HELQ: variants seen among roughly 807,000 people sequenced by gnomAD.
HELQ encodes helicase, POLQ like.
HELQ carries 77 observed loss-of-function variants against 111.6 expected under a neutral mutation model. That is an observed-to-expected ratio of 0.69 (90% confidence interval 0.57 to 0.83). The LOEUF is 0.83. Among genes scored for constraint, HELQ ranks in the 40% least tolerant of loss-of-function variants. The probability of loss-of-function intolerance (pLI) is 0.00; values close to 1 mark genes in which losing one functional copy is unlikely to be tolerated. For missense variants in HELQ, 1,200 were observed against 1,288.5 expected, an observed-to-expected ratio of 0.93 and a Z score of 1.05; for synonymous variants, 438 against 454.7, an observed-to-expected ratio of 0.96 and a Z score of 0.47.
intron 14 of HELQ, among the ~76,000 whole-genome samples, chr4:83,425,512 A>G (rs1476449210): frequency 6.6e-6 from 1 of 152,218 alleles, no homozygotes; most frequent in African/African-American, 2.4e-5. Context: ...ATTTTAAAAC[A>G]CCAAAATATA....
Position 83,439,877 on chromosome 4 carries a change from G to T in HELQ, c.1794C>A (p.Cys598Ter), listed in dbSNP as rs755848703. ...TATTAACATACTTGCTTAAAAATTTGCATATCATTTCTGCTACATTTTCAC... is the reference window on the plus strand; with the variant it reads ...TATTAACATACTTGCTTAAAAATTTTCATATCATTTCTGCTACATTTTCAC... ...KNCENVAEMICKFLSKEYLKH... is the reference protein window; with the variant it reads ...KNCENVAEMI Residue 598 changes from cysteine (C) to a stop codon, truncating the protein, a stop_gained, in exon 8 of 18, where the codon TGC becomes TGA. Coordinates refer to ENST00000295488, the MANE Select transcript of HELQ (RefSeq NM_133636.5). LOFTEE classifies it high-confidence loss of function. The T allele has an allele frequency of 1.3e-6, 2 of 1,580,952 alleles. No individual in the cohort carries two copies. The highest frequency in any genetic ancestry group is 8.7e-7 in the Non-Finnish European group (1 of 1,155,244).
chr4:83,425,707 G>A (rs756159067), intron 14 of HELQ, among the ~76,000 whole-genome samples: 2 of 152,028 alleles, frequency 1.3e-5, no homozygotes, highest in African/African-American at 2.4e-5. Context: ...GTATTTCCTC[G>A]TTTGAATTGA....
intron 16 of HELQ, among the ~76,000 whole-genome samples, chr4:83,417,147 C>T (rs532803431): frequency 6.6e-6 from 1 of 152,062 alleles, no homozygotes; most frequent in Admixed American, 6.6e-5. Flanking sequence ...CATCTCATAT[C>T]CTCAAGTAAA....
intron 17 of HELQ, among the ~76,000 whole-genome samples, chr4:83,410,917 A>G (rs1310900676): frequency 6.6e-6 from 1 of 151,752 alleles, no homozygotes; most frequent in Admixed American, 6.6e-5. Context: ...TTGGGAGGCC[A>G]AGGTGGGCAG....
intron 12 of HELQ, among the ~76,000 whole-genome samples, chr4:83,428,150 T>G (rs1022653745): frequency 9.2e-5 from 14 of 152,302 alleles, no homozygotes; most frequent in South Asian, 8.3e-4. Context: ...TGATATCTTA[T>G]GAGAAATGTA....
intron 9 of HELQ, among the ~76,000 whole-genome samples, chr4:83,436,584 A>T (rs909860525): frequency 1.3e-5 from 2 of 152,250 alleles, no homozygotes; most frequent in African/African-American, 4.8e-5. Context: ...CTACAAAACC[A>T]GATTAATAGA....
At chr4:83,415,300 T>C (rs959934740) in intron 17 of HELQ, among the ~76,000 whole-genome samples, 1 of 152,096 alleles carries the variant, frequency 6.6e-6, no homozygotes, top group Non-Finnish European at 1.5e-5. Context: ...AGAGAAACCC[T>C]TGGGGGCAAT....
intron 14 of HELQ, 46 bp downstream of exon 14, chr4:83,425,919 TTGTTGAGTGAACTTAGTGAGTGAACTAAG>T (rs1382903510): frequency 2.7e-6 from 2 of 746,462 alleles, no homozygotes. Flanking sequence ...GGTACTAATT[TTGTTGAGTGAACTTAGTGAGTGAACTAAG>T]TGTTGAGTGA....
chr4:83,437,110 T>C lies in HELQ; in HGVS notation c.1809-13A>G. On this transcript the variant is annotated splice_polypyrimidine_tract_variant and intron_variant, in intron 8 of 17. Transcript: ENST00000295488. ...TTTCAGATATTCCCTATGAAAAAGA[T>C]CTGTTAGAAATATGAGCCCTTGATC... The C allele has an allele frequency of 6.2e-7, 1 of 1,611,384 alleles. No individual in the cohort carries two copies. Among genetic ancestry groups the C allele is most frequent in the Non-Finnish European group, 8.5e-7 (1 of 1,178,666 alleles).
intron 1 of HELQ, among the ~76,000 whole-genome samples, chr4:83,454,992 G>A (rs1010046426): frequency 1.3e-5 from 2 of 152,200 alleles, no homozygotes; most frequent in African/African-American, 4.8e-5. Flanking sequence ...CAGCAATATA[G>A]TAAAGTGATT....
At chr4:83,448,686 A>T in intron 3 of HELQ, 97 bp downstream of exon 3, 109 of 864,108 alleles carry the variant, frequency 1.3e-4, no homozygotes, top group Non-Finnish European at 1.7e-4. Context: ...AAAAAAAAAG[A>T]GGTACTTCTC....
At chr4:83,407,824 T>C (rs1206829235) in intron 17 of HELQ, among the ~76,000 whole-genome samples, 4 of 152,224 alleles carry the variant, frequency 2.6e-5, no homozygotes, top group Non-Finnish European at 5.9e-5. Context: ...AGATTTGTTT[T>C]ATTGAAGACT....
intron 11 of HELQ, 134 bp from the exon 12 acceptor site, chr4:83,429,880 T>C (rs940224353): frequency 9.2e-6 from 5 of 544,290 alleles, no homozygotes; most frequent in Admixed American, 7.2e-5. Flanking sequence ...ATCTACACAG[T>C]TGCATATATA....
intron 17 of HELQ, among the ~76,000 whole-genome samples, chr4:83,408,479 T>C (rs1056976015): frequency 6.6e-6 from 1 of 151,936 alleles, no homozygotes; most frequent in African/African-American, 2.4e-5. Context: ...TCTCCACTGC[T>C]TGACCTCATC....
rs987714418 is a variant in HELQ, at chr4:83,452,076, T to C, written c.1012+1155A>G. 4.0e-4 allele frequency among the ~76,000 whole-genome samples: 61 copies of C among 152,198 alleles called. 1 individual carries two copies. Among genetic ancestry groups the C allele is most frequent in the African/African-American group, 1.4e-3 (56 of 41,446 alleles). On this transcript the variant is annotated intron_variant, in intron 2 of 17. Coordinates refer to ENST00000295488, the MANE Select transcript of HELQ (RefSeq NM_133636.5). The stretch of plus-strand genomic sequence containing the variant: ...TCTAAAATGACACATATCTGAAATA[T>C]ATGCAAGGACCCTGGATTTTTGAAA...
chr4:83,452,277 A>T (rs1047688695), intron 2 of HELQ, among the ~76,000 whole-genome samples: 3 of 151,564 alleles, frequency 2.0e-5, no homozygotes, highest in African/African-American at 7.3e-5. Context: ...TTGGCTCATC[A>T]GCTATCGTGT....
intron 7 of HELQ, among the ~76,000 whole-genome samples, chr4:83,440,477 A>C (rs1178470484): frequency 6.6e-6 from 1 of 152,218 alleles, no homozygotes. Flanking sequence ...CAATTTTTGT[A>C]GTCACATGAG....
At chr4:83,425,416 C>T (rs1220112335) in intron 14 of HELQ, among the ~76,000 whole-genome samples, 3 of 151,284 alleles carry the variant, frequency 2.0e-5, no homozygotes, top group East Asian at 1.9e-4. Flanking sequence ...TTAAGGAAAT[C>T]GAAGGTATGG....
At chr4:83,434,867 C>A (rs1475242518) in intron 9 of HELQ, among the ~76,000 whole-genome samples, 1 of 151,958 alleles carries the variant, frequency 6.6e-6, no homozygotes, top group African/African-American at 2.4e-5. Context: ...ATCTAAGAGG[C>A]CTCAACCCTG....
Sources: allele counts gnomAD v4.1 joint callset (sites outside exome capture counted in the v4.1 genomes callset), GRCh38; gene constraint gnomAD v4.1.1; transcripts MANE v1.5; gene names NCBI Gene and HGNC (gene_info 2026-07-23, HGNC 2026-07-21).